The following TRHDE variants were observed in gnomAD, a reference collection of about 807,000 sequenced individuals.
TRHDE encodes the protein thyrotropin releasing hormone degrading enzyme, also known as thyrotropin-releasing hormone-degrading ectoenzyme.
A neutral mutation model predicts 125.7 loss-of-function variants in TRHDE; 72 were observed. The ratio of observed to expected loss-of-function variants is 0.57; its 90% CI spans 0.47 to 0.70. TRHDE has a LOEUF of 0.70. Among genes scored for constraint, TRHDE ranks in the 30% least tolerant of loss-of-function variants. TRHDE has a pLI of 0.00. For synonymous variants in TRHDE, 509 were observed against 509.1 expected, an observed-to-expected ratio of 1.00 and a Z score of 0.00; for missense variants, 1,110 against 1,327.1, an observed-to-expected ratio of 0.84 and a Z score of 2.54.
intron 3 of TRHDE, among the ~76,000 whole-genome samples, chr12:72,440,448 G>A (rs1421660162): frequency 6.6e-6 from 1 of 151,580 alleles, no homozygotes; most frequent in African/African-American, 2.4e-5. Flanking sequence ...GAATAAATTG[G>A]CATCTGAGAT....
intron 2 of TRHDE, among the ~76,000 whole-genome samples, chr12:72,299,626 G>A (rs1880430698): frequency 6.6e-6 from 1 of 152,218 alleles, no homozygotes; most frequent in Non-Finnish European, 1.5e-5. Context: ...ATAACTGACT[G>A]AGCAGAATTC....
At chr12:72,609,640 T>C (rs1872566609) in intron 12 of TRHDE, among the ~76,000 whole-genome samples, 1 of 152,196 alleles carries the variant, frequency 6.6e-6, no homozygotes, top group Non-Finnish European at 1.5e-5. Context: ...ATATATAAAC[T>C]TCTGTGTATA....
chr12:72,327,890 G>C (rs1335067140), intron 2 of TRHDE, among the ~76,000 whole-genome samples: 3 of 151,968 alleles, frequency 2.0e-5, no homozygotes, highest in Non-Finnish European at 4.4e-5. Context: ...GCTTCTTTTT[G>C]CCACTTGTCT....
At chr12:72,659,451 A>G (rs1874830485) in intron 18 of TRHDE, among the ~76,000 whole-genome samples, 1 of 152,202 alleles carries the variant, frequency 6.6e-6, no homozygotes, top group Admixed American at 6.5e-5. Context: ...GTGGAGGAAC[A>G]TAGATCCTAT....
At chr12:72,598,430 C>T (rs185350814) in intron 12 of TRHDE, among the ~76,000 whole-genome samples, 272 of 152,250 alleles carry the variant, frequency 1.8e-3, no homozygotes, top group Admixed American at 4.5e-3. Context: ...TAAATGCTTA[C>T]CTTCTGCAAT....
chr12:72,433,883 G>C (rs997495213), intron 3 of TRHDE, among the ~76,000 whole-genome samples: 1 of 151,868 alleles, frequency 6.6e-6, no homozygotes, highest in Non-Finnish European at 1.5e-5. Context: ...ACATGGAGCT[G>C]GTGATGAGGA....
At chr12:72,381,660 T>G (rs1872190703) in intron 3 of TRHDE, among the ~76,000 whole-genome samples, 1 of 152,092 alleles carries the variant, frequency 6.6e-6, no homozygotes, top group Non-Finnish European at 1.5e-5. Context: ...CCTCCCAAAG[T>G]GCTGGGATTA....
intron 3 of TRHDE, among the ~76,000 whole-genome samples, chr12:72,418,811 G>A (rs1873835783): frequency 6.6e-6 from 1 of 152,130 alleles, no homozygotes. Context: ...CTGAGTCAGA[G>A]ATCAAGTTTA....
At chr12:72,338,636 G>T (rs371989327) in intron 2 of TRHDE, among the ~76,000 whole-genome samples, 9 of 152,154 alleles carry the variant, frequency 5.9e-5, no homozygotes, top group Non-Finnish European at 8.8e-5. Context: ...AGGACTCAGT[G>T]GTTGATGTAT....
At chr12:72,397,760 C>T (rs1872858639) in intron 3 of TRHDE, among the ~76,000 whole-genome samples, 1 of 151,992 alleles carries the variant, frequency 6.6e-6, no homozygotes, top group Non-Finnish European at 1.5e-5. Context: ...TAGAAACATC[C>T]CCTGATGACA....
At chr12:72,269,268 C>T (rs1879139651), upstream of TRHDE, among the ~76,000 whole-genome samples, 1 of 152,000 alleles carries the variant, frequency 6.6e-6, no homozygotes, top group African/African-American at 2.4e-5. Flanking sequence ...CTTTGTAACA[C>T]TGATATGAAA....
chr12:72,318,702 A>T (rs906452167), intron 2 of TRHDE, among the ~76,000 whole-genome samples: 2 of 147,206 alleles, frequency 1.4e-5, no homozygotes, highest in Admixed American at 1.3e-4. Context: ...CAGCTGAGTG[A>T]TCTGTCAAAA....
At chr12:72,315,599 G>C (rs1868761870) in intron 2 of TRHDE, among the ~76,000 whole-genome samples, 1 of 152,214 alleles carries the variant, frequency 6.6e-6, no homozygotes, top group Non-Finnish European at 1.5e-5. Flanking sequence ...CTGAGCAGAT[G>C]ATCTGCAAAT....
intron 7 of TRHDE, among the ~76,000 whole-genome samples, chr12:72,546,278 G>A (rs1415761732): frequency 6.6e-6 from 1 of 151,596 alleles, no homozygotes; most frequent in East Asian, 1.9e-4. Context: ...TTTTCACATA[G>A]TCATAGATCT....
At chr12:72,547,780 T>G (rs192116461) in intron 7 of TRHDE, among the ~76,000 whole-genome samples, 2 of 151,948 alleles carry the variant, frequency 1.3e-5, no homozygotes, top group East Asian at 3.9e-4. Context: ...TAAGAAAACA[T>G]CTGCATAATA....
intron 2 of TRHDE, among the ~76,000 whole-genome samples, chr12:72,206,761 A>T (rs1877675101): frequency 6.6e-6 from 1 of 152,068 alleles, no homozygotes; most frequent in South Asian, 2.1e-4. Flanking sequence ...ATACATAATT[A>T]TATTGCTTTG....
intron 2 of TRHDE, among the ~76,000 whole-genome samples, chr12:72,353,895 A>G (rs532657568): frequency 2.3e-3 from 271 of 118,928 alleles, no homozygotes; most frequent in Admixed American, 6.7e-3. Flanking sequence ...GAAATTGAGT[A>G]TGCTAATCCT....
chr12:72,268,324 G>T (rs1220250044), upstream of TRHDE, among the ~76,000 whole-genome samples: 1 of 152,010 alleles, frequency 6.6e-6, no homozygotes, highest in African/African-American at 2.4e-5. Flanking sequence ...TAAAGTTTTA[G>T]TTTTTAACTG....
At chr12:72,214,520 T>C (rs1877845919) in intron 2 of TRHDE, among the ~76,000 whole-genome samples, 1 of 152,232 alleles carries the variant, frequency 6.6e-6, no homozygotes, top group Non-Finnish European at 1.5e-5. Flanking sequence ...AAGTGCTGGC[T>C]CACTCAATTG....
Sources: allele counts gnomAD v4.1 joint callset (sites outside exome capture counted in the v4.1 genomes callset), GRCh38; gene constraint gnomAD v4.1.1; transcripts MANE v1.5; gene names NCBI Gene and HGNC (gene_info 2026-07-23, HGNC 2026-07-21).